Variants in NCBP3 observed in about 807,000 individuals in gnomAD.
NCBP3 encodes nuclear cap-binding protein subunit 3.
Under a neutral mutation model 75.7 loss-of-function variants are expected in NCBP3, and 20 were observed. The observed-to-expected ratio is 0.26, with a 90% CI of 0.19 to 0.38. The LOEUF is 0.38. Among genes scored for constraint, NCBP3 ranks in the 10% least tolerant of loss-of-function variants. NCBP3 has a pLI of 1.00. For missense variants in NCBP3, 678 were observed against 796.9 expected (o/e 0.85, Z 1.80); for synonymous variants, 293 against 290.5 (o/e 1.01, Z -0.09).
intron 4 of NCBP3, among the ~76,000 whole-genome samples, chr17:3,828,614 G>A (rs2053826762): frequency 6.6e-6 from 1 of 152,078 alleles, no homozygotes; most frequent in Non-Finnish European, 1.5e-5. Flanking sequence ...GTAACAAGAG[G>A]TCAGGCCAGA....
intron 11 of NCBP3, among the ~76,000 whole-genome samples, chr17:3,814,710 A>G (rs1047511422): frequency 5.3e-5 from 8 of 151,942 alleles, no homozygotes; most frequent in African/African-American, 1.9e-4. Flanking sequence ...CTCCAGAACT[A>G]TATTTCTGAA....
At position 3,808,148 on chromosome 17, in the gene NCBP3, ATCT is replaced by A. The variant is rs1357001418; in HGVS notation, c.*4893_*4895del. 2 of 152,284 alleles carry A rather than the reference ATCT, an allele frequency of 1.3e-5. No individual in the cohort carries two copies. The highest frequency in any genetic ancestry group is 2.9e-5 in the Non-Finnish European group (2 of 68,056). The allele number at this position is 152,284 out of a possible 1,614,324, so 9.4% of individuals were successfully genotyped here. On this transcript the variant is annotated 3_prime_UTR_variant, in exon 13 of 13. Transcript: ENST00000389005. ...TCAGTTCCCAAGCTCCCCAAAAGTG[ATCT>A]TCTCGCCTAAATGTGGTTCTAACAC... is the stretch of plus-strand genomic sequence containing the variant.
intron 3 of NCBP3, among the ~76,000 whole-genome samples, chr17:3,837,008 C>T (rs2053984671): frequency 6.6e-6 from 1 of 151,040 alleles, no homozygotes; most frequent in African/African-American, 2.4e-5. Flanking sequence ...ATTAGTTGGG[C>T]ATGGTGGTGT....
In NCBP3 at chr17:3,815,988, T is replaced by G. The variant is rs1052232740; in HGVS notation, c.1465+128A>C. 11 of 812,934 alleles carry G rather than the reference T, an allele frequency of 1.4e-5. No individual in the cohort carries two copies. In the African/African-American group the frequency reaches 2.0e-4, roughly 15 times the overall value. 50.4% of individuals were successfully genotyped at this position (812,934 alleles called of 1,614,324 possible). On this transcript the variant is annotated intron_variant, in intron 11 of 12. Coordinates refer to ENST00000389005, the MANE Select transcript of NCBP3 (RefSeq NM_001114118.3). Reference sequence around the variant, plus strand: ...CAATTTCCAACACCTAGCCCACAATTTAGACATGATGAACCAGGACAGCTA... The same window carrying G: ...CAATTTCCAACACCTAGCCCACAATGTAGACATGATGAACCAGGACAGCTA...
At position 3,812,544 on chromosome 17, in the gene NCBP3, C is replaced by A; in HGVS notation, c.*500G>T. 1 of 1,004,936 alleles carries A rather than the reference C, an allele frequency of 1.0e-6. No homozygotes were observed. Among genetic ancestry groups the A allele is most frequent in the Non-Finnish European group, 1.2e-6 (1 of 841,520 alleles). The allele number at this position is 1,004,936 out of a possible 1,614,324, so 62.3% of individuals were successfully genotyped here. ...GGTCAGGTCCGTGAGATTCGCCCCA[C>A]ACTAGGGTCCCGGAAGGGTGAGCTG... On this transcript the variant is annotated 3_prime_UTR_variant, in exon 13 of 13. Coordinates refer to ENST00000389005, the MANE Select transcript of NCBP3 (RefSeq NM_001114118.3).
At chr17:3,829,717 T>G (rs1179934423) in intron 3 of NCBP3, among the ~76,000 whole-genome samples, 2 of 152,174 alleles carry the variant, frequency 1.3e-5, no homozygotes, top group African/African-American at 4.8e-5. Context: ...CTTCTAAAAT[T>G]TTTAAATGTA....
At chr17:3,827,641 T>A (rs1019651270) in intron 4 of NCBP3, among the ~76,000 whole-genome samples, 5 of 152,252 alleles carry the variant, frequency 3.3e-5, no homozygotes, top group Admixed American at 3.3e-4. Context: ...TCACTTCTGT[T>A]ACTAATGTGC....
rs2053881314 is a variant in NCBP3 at position 3,831,623 on chromosome 17, C to A, written c.356-2255G>T. On this transcript the variant is annotated intron_variant, in intron 3 of 12. Coordinates refer to ENST00000389005, the MANE Select transcript of NCBP3 (RefSeq NM_001114118.3). ...TTTAAAATATCTATATATCTACTAC[C>A]TAGCTTTATGCTTAATTCGTTATAA... 2.5e-5 allele frequency among the ~76,000 whole-genome samples: 3 copies of A among 120,840 alleles called. 1 individual carries two copies. The Admixed American group carries it at 2.5e-4, about 10-fold the overall frequency. 79.3% of individuals were successfully genotyped at this position (120,840 alleles called of 152,430 possible). A position where few individuals can be genotyped will look rare whatever the true frequency, so the allele number is the denominator to read the frequency against.
intron 4 of NCBP3, among the ~76,000 whole-genome samples, chr17:3,826,723 G>GGAAGGAAGGAAGGA (rs1348605267): frequency 1.3e-4 from 19 of 146,516 alleles, no homozygotes; most frequent in African/African-American, 4.7e-4. Flanking sequence ...AAGGAAGGAA[G>GGAAGGAAGGAAGGA]GAGAGAGAGA....
Position 3,805,742 on chromosome 17 carries a change from CCT to C in NCBP3, c.*7300_*7301del, listed in dbSNP as rs1342991775. The C allele has an allele frequency of 7.9e-5, 12 of 152,398 alleles. No homozygotes were observed. In the South Asian group the frequency reaches 1.7e-3, roughly 21 times the overall value. 9.4% of individuals were successfully genotyped at this position (152,398 alleles called of 1,614,324 possible). A position where few individuals can be genotyped will look rare whatever the true frequency, so the allele number is the denominator to read the frequency against. On this transcript the variant is annotated 3_prime_UTR_variant, in exon 13 of 13. Coordinates refer to ENST00000389005, the MANE Select transcript of NCBP3 (RefSeq NM_001114118.3). ...TCTTTCCTGCTATCTAGCCCACACC[CCT>C]GATGCTCCCCGGAAAGGAGAGCAAG... is the stretch of plus-strand genomic sequence containing the variant.
intron 4 of NCBP3, among the ~76,000 whole-genome samples, chr17:3,827,083 A>C (rs1348117643): frequency 8.0e-6 from 1 of 124,454 alleles, no homozygotes; most frequent in Non-Finnish European, 1.6e-5. Flanking sequence ...GGTAGGGGGA[A>C]AGGGGAAGGG....
intron 3 of NCBP3, among the ~76,000 whole-genome samples, chr17:3,833,150 G>A (rs1197179197): frequency 1.3e-5 from 2 of 152,148 alleles, no homozygotes; most frequent in Non-Finnish European, 2.9e-5. Context: ...GTACTCAGGA[G>A]GCTGAGGTGG....
rs1407018869 is a variant in NCBP3, at chr17:3,843,080, T to C, written c.249+6A>G. 2 of 1,548,980 alleles carry C rather than the reference T, an allele frequency of 1.3e-6. No individual in the cohort carries two copies. Among genetic ancestry groups the C allele is most frequent in the Admixed American group, 2.0e-5 (1 of 50,994 alleles). On this transcript the variant is annotated splice_donor_region_variant and intron_variant, in intron 2 of 12. Coordinates refer to ENST00000389005, the MANE Select transcript of NCBP3 (RefSeq NM_001114118.3). ...AGCTGAATAAATAAATCATAGCCTG[T>C]CTTACCTTGGAGGTGACATCAATTC... is the stretch of plus-strand genomic sequence containing the variant.
At chr17:3,845,364 G>C (rs1030738595) in intron 1 of NCBP3, among the ~76,000 whole-genome samples, 2 of 152,166 alleles carry the variant, frequency 1.3e-5, no homozygotes, top group Non-Finnish European at 2.9e-5. Flanking sequence ...TGGATATACA[G>C]CCACCAAGTC....
Position 3,804,383 on chromosome 17 carries a change from CT to C in NCBP3, c.*8660del, listed in dbSNP as rs2053315360. ...GCAACATGGTGAAACCCTGTCTTTA[CT>C]AAAAACACAAAAAATTAGCCAGGCG... On this transcript the variant is annotated 3_prime_UTR_variant, in exon 13 of 13. Transcript: ENST00000389005. 6.6e-6 allele frequency: 1 copy of C among 151,390 alleles called. No individual in the cohort carries two copies. Among genetic ancestry groups the C allele is most frequent in the African/African-American group, 2.4e-5 (1 of 41,134 alleles). 9.4% of individuals were successfully genotyped at this position (151,390 alleles called of 1,614,324 possible). A position where few individuals can be genotyped will look rare whatever the true frequency, so the allele number is the denominator to read the frequency against.
At position 3,832,546 on chromosome 17, in the gene NCBP3, A is replaced by G. The variant is rs72487800; in HGVS notation, c.356-3178T>C. Among the ~76,000 whole-genome samples the G allele has an allele frequency of 4.0e-3, 260 of 65,238 alleles. 58 individuals carry two copies. Among genetic ancestry groups the G allele is most frequent in the Middle Eastern group, 0.024 (2 of 84 alleles). The allele number at this position is 65,238 out of a possible 152,430, so 42.8% of individuals were successfully genotyped here. A position where few individuals can be genotyped will look rare whatever the true frequency, so the allele number is the denominator to read the frequency against. On this transcript the variant is annotated intron_variant, in intron 3 of 12. Transcript: ENST00000389005. ...CTCGGGAGGCTGAGGCAGGAGAATC[A>G]CTTGAACCCGGGAGGCGGAGGTTGC...
At chr17:3,835,857 G>A (rs1023915549) in intron 3 of NCBP3, among the ~76,000 whole-genome samples, 34 of 152,212 alleles carry the variant, frequency 2.2e-4, no homozygotes, top group Non-Finnish European at 1.0e-4. Context: ...ACAGTCCAGT[G>A]TGCCACAGCC....
At chr17:3,837,323 C>A (rs573340682) in intron 3 of NCBP3, among the ~76,000 whole-genome samples, 55 of 151,812 alleles carry the variant, frequency 3.6e-4, no homozygotes, top group Non-Finnish European at 5.4e-4. Context: ...ATGGTGAAAC[C>A]CCATCTCTAC....
At chr17:3,814,185 A>G in intron 12 of NCBP3, 137 bp downstream of exon 12, 2 of 895,144 alleles carry the variant, frequency 2.2e-6, no homozygotes, top group Non-Finnish European at 3.4e-6. Context: ...GACGATAACT[A>G]TAATGGAAAA....
Sources: allele counts gnomAD v4.1 joint callset (sites outside exome capture counted in the v4.1 genomes callset), GRCh38; gene constraint gnomAD v4.1.1; transcripts MANE v1.5; gene names NCBI Gene and HGNC (gene_info 2026-07-23, HGNC 2026-07-21).